The following FARSA variants were observed in gnomAD, a reference collection of about 807,000 sequenced individuals.
The protein encoded by FARSA is phenylalanine--tRNA ligase alpha subunit.
In FARSA, 37 loss-of-function variants were observed where a neutral mutation model predicts 63.2. That is an observed-to-expected ratio of 0.59 (90% CI 0.45 to 0.77). The LOEUF (loss-of-function observed/expected upper bound fraction) is 0.77, where lower values mean the gene tolerates loss of function less well. FARSA is among the 30% of genes least tolerant of loss of function. The pLI is 0.00. For missense variants in FARSA, 618 were observed against 696.6 expected (o/e 0.89, Z 1.27); for synonymous variants, 312 against 285.1 (o/e 1.09, Z -0.95).
At chr19:12,930,390 C>A in intron 3 of FARSA, 39 bp downstream of exon 3, 1 of 1,612,614 alleles carries the variant, frequency 6.2e-7, no homozygotes, top group Non-Finnish European at 8.5e-7. Context: ...GGCCCATGTG[C>A]CCGTCCACCT....
At position 12,924,735 on chromosome 19, in the gene FARSA, G is replaced by A; in HGVS notation, c.1099C>T (p.Leu367=). Residue 367 remains leucine, a synonymous_variant, in exon 10 of 13, where the codon CTG becomes TTG. Coordinates refer to ENST00000314606, the MANE Select transcript of FARSA (RefSeq NM_004461.3). This position sits in a 1 kb window ranked among gnomAD's most constrained non-coding sequence, Gnocchi z 6.4. The part of the protein sequence containing the change: ...FRNETLDATH[L]AEFHQIEGVV... ...CCCTCGATCTGGTGGAACTCAGCCAGGTGCGTGGCGTCCAGGGTCTCATTC... is the reference window on the plus strand; with the variant it reads ...CCCTCGATCTGGTGGAACTCAGCCAAGTGCGTGGCGTCCAGGGTCTCATTC... 6.2e-7 allele frequency: 1 copy of A among 1,600,984 alleles called. No homozygotes were observed. The highest frequency in any genetic ancestry group is 8.5e-7 in the Non-Finnish European group (1 of 1,170,984).
At chr19:12,925,554 C>T (rs892116008) in intron 7 of FARSA, among the ~76,000 whole-genome samples, 3 of 151,556 alleles carry the variant, frequency 2.0e-5, no homozygotes, top group Admixed American at 6.6e-5. Context: ...GATGGGGTTT[C>T]GCCATGTTGG....
At position 12,928,627 on chromosome 19, in the gene FARSA, G is replaced by A; in HGVS notation, c.633C>T (p.Asn211=). Residue 211 remains asparagine, a synonymous_variant, in exon 6 of 13, where the codon AAC becomes AAT. Transcript: ENST00000314606. ...CGGGGAGGACACCGTGGGCCAAGAA[G>A]TTGTAGGGCTTGAAGGGCCGGTCCC... ...SWRDRPFKPY[N]FLAHGVLPDS... is the part of the protein sequence containing the mutation. 3.7e-6 allele frequency: 6 copies of A among 1,611,450 alleles called. No individual in the cohort carries two copies. The highest frequency in any genetic ancestry group is 5.1e-6 in the Non-Finnish European group (6 of 1,178,754).
In FARSA at chr19:12,924,099, G is replaced by A. The variant is rs1971296555; in HGVS notation, c.1388+52C>T. 7.8e-6 allele frequency: 11 copies of A among 1,416,194 alleles called. No homozygotes were observed. Among genetic ancestry groups the A allele is most frequent in the South Asian group, 3.4e-5 (3 of 87,352 alleles). The allele number at this position is 1,416,194 out of a possible 1,614,324, so 87.7% of individuals were successfully genotyped here. On this transcript the variant is annotated intron_variant, in intron 12 of 12. Coordinates refer to ENST00000314606, the MANE Select transcript of FARSA (RefSeq NM_004461.3). The surrounding 1 kb of genome is among the most constrained non-coding windows in gnomAD (Gnocchi z 6.4). ...TGAAACCACGCAGGCCCCTATACCT[G>A]GAGAGTTATTTGAGGCAGCTGGACA...
rs145305261 is a variant in FARSA, at chr19:12,930,442, C to T, written c.371G>A (p.Arg124Gln). The change falls in exon 3 of 13, where the codon CGG (arginine) becomes CAG (glutamine). Residue 124 changes from arginine to glutamine, a missense_variant. Coordinates refer to ENST00000314606, the MANE Select transcript of FARSA (RefSeq NM_004461.3). ...RVDKSAADGP[R>Q]VFRVVDSMED... ...GCAGGAACGCACCACTCGGAACACC[C>T]GGGGCCCGTCAGCCGCACTCTTGTC... is the stretch of plus-strand genomic sequence containing the variant. 1.7e-5 allele frequency: 28 copies of T among 1,613,926 alleles called. No individual in the cohort carries two copies. Among genetic ancestry groups the T allele is most frequent in the South Asian group, 3.3e-5 (3 of 91,078 alleles).
At position 12,924,551 on chromosome 19, in the gene FARSA, G is replaced by A. The variant is rs373324802; in HGVS notation, c.1196-25C>T. ...CCTGCAGGAAGTGGGGGGCGGGCAG[G>A]AGAGCAGGGGTTTGGAGGATAATGC... On this transcript the variant is annotated intron_variant, in intron 10 of 12. Coordinates refer to ENST00000314606, the MANE Select transcript of FARSA (RefSeq NM_004461.3). This position sits in a 1 kb window ranked among gnomAD's most constrained non-coding sequence, Gnocchi z 6.4. 7 of 1,613,218 alleles carry A rather than the reference G, an allele frequency of 4.3e-6. No homozygotes were observed. In the African/African-American group the frequency reaches 9.3e-5, roughly 22 times the overall value.
intron 12 of FARSA, among the ~76,000 whole-genome samples, 184 bp downstream of exon 12, chr19:12,923,967 G>C (rs1370414558): frequency 1.3e-5 from 2 of 152,230 alleles, no homozygotes; most frequent in African/African-American, 4.8e-5. Flanking sequence ...TGGGACCCCA[G>C]ATTCAGAGGG....
chr19:12,929,079 C>A (rs1971362602), intron 4 of FARSA, among the ~76,000 whole-genome samples: 1 of 152,208 alleles, frequency 6.6e-6, no homozygotes, highest in South Asian at 2.1e-4. Flanking sequence ...AGGGTCTGTT[C>A]AAGGTGCTAA....
rs903574777 is a variant in FARSA at position 12,925,132 on chromosome 19, C to T, written c.884G>A (p.Arg295Gln). The T allele has an allele frequency of 6.8e-6, 11 of 1,606,812 alleles. No homozygotes were observed. Among genetic ancestry groups the T allele is most frequent in the African/African-American group, 4.0e-5 (3 of 74,674 alleles). ...GCCCTGAGAGTGGGTCCGCTTGACC[C>T]GCTGGACATAGTCCATTGGGAGCTG... ...ALQLPMDYVQ[R>Q]VKRTHSQGGY... Residue 295 changes from arginine (R) to glutamine (Q), a missense_variant, in exon 8 of 13, where the codon CGG becomes CAG. Physicochemically the swap from Arg to Gln is conservative, Grantham distance 43. Transcript: ENST00000314606.
At chr19:12,926,511 G>A (rs939837534) in intron 7 of FARSA, among the ~76,000 whole-genome samples, 2 of 150,840 alleles carry the variant, frequency 1.3e-5, no homozygotes, top group East Asian at 3.9e-4. Flanking sequence ...CTGACCTCGC[G>A]ATCCGCCCGT....
rs894253698 is a variant in FARSA at position 12,924,576 on chromosome 19, CTGG to C, written c.1196-53_1196-51del. 16 of 1,612,448 alleles carry C rather than the reference CTGG, an allele frequency of 9.9e-6. No individual in the cohort carries two copies. The highest frequency in any genetic ancestry group is 2.7e-5 in the African/African-American group (2 of 74,850). ...GAGAGCAGGGGTTTGGAGGATAATG[CTGG>C]TGATCAACACACCTGCCCGCTGCCT... On this transcript the variant is annotated intron_variant, in intron 10 of 12. Transcript: ENST00000314606. The surrounding 1 kb of genome is among the most constrained non-coding windows in gnomAD (Gnocchi z 6.4).
In FARSA at chr19:12,924,540, G is replaced by C; in HGVS notation, c.1196-14C>G. ...GTTGCGTGATACCTGCAGGAAGTGG[G>C]GGGCGGGCAGGAGAGCAGGGGTTTG... is the stretch of plus-strand genomic sequence containing the variant. On this transcript the variant is annotated splice_polypyrimidine_tract_variant and intron_variant, in intron 10 of 12. Transcript: ENST00000314606. This position sits in a 1 kb window ranked among gnomAD's most constrained non-coding sequence, Gnocchi z 6.4. 6.2e-7 allele frequency: 1 copy of C among 1,613,448 alleles called. No homozygotes were observed. Among genetic ancestry groups the C allele is most frequent in the Non-Finnish European group, 8.5e-7 (1 of 1,179,964 alleles).
At chr19:12,923,540 C>T (rs895227414) in intron 12 of FARSA, among the ~76,000 whole-genome samples, 2 of 152,162 alleles carry the variant, frequency 1.3e-5, no homozygotes, top group African/African-American at 4.8e-5. Flanking sequence ...AGTGCAGTGG[C>T]ATGATCTTGG....
intron 1 of FARSA, among the ~76,000 whole-genome samples, chr19:12,931,589 T>C (rs1971396579): frequency 6.6e-6 from 1 of 152,278 alleles, no homozygotes; most frequent in East Asian, 1.9e-4. Context: ...AGACAGGGTG[T>C]TGTTATGTTG....
chr19:12,930,988 T>TAA (rs1447740008), intron 1 of FARSA, among the ~76,000 whole-genome samples: 1 of 152,234 alleles, frequency 6.6e-6, no homozygotes, highest in African/African-American at 2.4e-5. Flanking sequence ...CAGGGTAAAG[T>TAA]ACACCACTAA....
chr19:12,928,683 C>G lies in FARSA; in HGVS notation c.597-20G>C, dbSNP rs753075257. On this transcript the variant is annotated intron_variant, in intron 5 of 12. Transcript: ENST00000314606. The stretch of plus-strand genomic sequence containing the variant: ...GAGCCACTGGGGGAGGATGCAAGGG[C>G]CTGGTAAGGGCTGCCCGCCCCTGCC... 1 of 1,613,402 alleles carries G rather than the reference C, an allele frequency of 6.2e-7. No individual in the cohort carries two copies. Among genetic ancestry groups the G allele is most frequent in the Non-Finnish European group, 8.5e-7 (1 of 1,179,712 alleles).
intron 5 of FARSA, 44 bp from the exon 6 acceptor site, chr19:12,928,707 C>A: frequency 6.2e-7 from 1 of 1,613,780 alleles, no homozygotes; most frequent in African/African-American, 1.3e-5. Context: ...CCCGCCCCTG[C>A]CCCCTGCCCC....
At chr19:12,933,253 T>C in intron 1 of FARSA, 1 of 413,510 alleles carries the variant, frequency 2.4e-6, no homozygotes. Context: ...ACTCTGGTTC[T>C]TGAAGCACCT....
At chr19:12,930,797 G>T in intron 1 of FARSA, 48 bp from the exon 2 acceptor site, 1 of 1,598,692 alleles carries the variant, frequency 6.3e-7, no homozygotes, top group Admixed American at 1.7e-5. Flanking sequence ...GAGGCTCAGA[G>T]CCAGGCACCC....
Sources: allele counts gnomAD v4.1 joint callset (sites outside exome capture counted in the v4.1 genomes callset), GRCh38; gene constraint gnomAD v4.1.1; non-coding constraint Gnocchi (gnomAD v3.1); transcripts MANE v1.5; gene names NCBI Gene and HGNC (gene_info 2026-07-23, HGNC 2026-07-21).